The following DCUN1D4 variants were observed in gnomAD, a reference collection of about 807,000 sequenced individuals.
DCUN1D4 encodes the protein defective in cullin neddylation 1 domain containing 4.
Under a neutral mutation model 47.9 loss-of-function variants are expected in DCUN1D4, and 22 were observed. The observed-to-expected ratio is 0.46, with a 90% CI of 0.33 to 0.66. DCUN1D4 has a LOEUF of 0.66. Among genes scored for constraint, DCUN1D4 ranks in the 30% least tolerant of loss-of-function variants. The pLI is 0.02. For missense variants in DCUN1D4, 301 were observed against 340.8 expected (o/e 0.88, Z 0.92); for synonymous variants, 121 against 112.2 (o/e 1.08, Z -0.50).
chr4:51,877,210 A>G (rs1727846423), intron 4 of DCUN1D4, among the ~76,000 whole-genome samples: 1 of 152,130 alleles, frequency 6.6e-6, no homozygotes, highest in East Asian at 1.9e-4. Context: ...TAATCAAGAA[A>G]CCACCCAAGC....
intron 5 of DCUN1D4, among the ~76,000 whole-genome samples, chr4:51,881,712 C>T (rs1004742175): frequency 6.7e-6 from 1 of 150,334 alleles, no homozygotes. Flanking sequence ...TCAAACTTCA[C>T]TTCTAACCCA....
chr4:51,896,509 G>T (rs1415472123), intron 7 of DCUN1D4, among the ~76,000 whole-genome samples: 1 of 151,880 alleles, frequency 6.6e-6, no homozygotes, highest in Admixed American at 6.6e-5. Flanking sequence ...CAGGGACCTC[G>T]ACCTTATGTT....
chr4:51,845,089 G>A, intron 1 of DCUN1D4: 1 of 985,446 alleles, frequency 1.0e-6, no homozygotes, highest in South Asian at 4.7e-5. Context: ...TAAATGCTTG[G>A]TCTTGTACCA....
intron 8 of DCUN1D4, among the ~76,000 whole-genome samples, chr4:51,899,742 T>C (rs546772192): frequency 5.3e-5 from 8 of 152,336 alleles, no homozygotes; most frequent in Admixed American, 2.6e-4. Flanking sequence ...AAGCTAATCA[T>C]ATCTAATTCA....
At chr4:51,882,231 G>GGATA (rs1161288964) in intron 5 of DCUN1D4, among the ~76,000 whole-genome samples, 1 of 152,184 alleles carries the variant, frequency 6.6e-6, no homozygotes, top group Non-Finnish European at 1.5e-5. Context: ...CCACTGCAAA[G>GGATA]GATACCTCAG....
At chr4:51,897,897 A>G (rs1018841030) in intron 7 of DCUN1D4, among the ~76,000 whole-genome samples, 3 of 152,244 alleles carry the variant, frequency 2.0e-5, no homozygotes, top group African/African-American at 7.2e-5. Context: ...CTAAGTCCAG[A>G]AAATAAGAAG....
chr4:51,905,096 C>T, intron 8 of DCUN1D4: 2 of 419,884 alleles, frequency 4.8e-6, no homozygotes, highest in Admixed American at 2.4e-5. Context: ...TCTTTCTTCC[C>T]CTTTGAACCT....
At position 51,863,713 on chromosome 4, in the gene DCUN1D4, T is replaced by G; in HGVS notation, c.136+4T>G. On this transcript the variant is annotated splice_donor_region_variant and intron_variant, in intron 3 of 10. Coordinates refer to ENST00000334635, the MANE Select transcript of DCUN1D4 (RefSeq NM_001040402.3). ...GGCCAAGACGATCACCAAACAGGTA[T>G]CTGTAAATGCTAACACTACTTAATT... is the stretch of plus-strand genomic sequence containing the variant. The G allele has an allele frequency of 1.2e-6, 2 of 1,612,476 alleles. No homozygotes were observed. The highest frequency in any genetic ancestry group is 1.7e-6 in the Non-Finnish European group (2 of 1,179,334).
intron 8 of DCUN1D4, among the ~76,000 whole-genome samples, chr4:51,906,027 A>G (rs184963293): frequency 6.9e-4 from 105 of 152,280 alleles, no homozygotes; most frequent in Non-Finnish European, 1.4e-3. Context: ...GTGAAAGGGA[A>G]GATGGAAGGA....
Position 51,863,439 on chromosome 4 carries a change from T to G in DCUN1D4, c.28T>G (p.Phe10Val). Residue 10 changes from phenylalanine to valine, a missense_variant and splice_region_variant, in exon 2 of 11, where the codon TTT becomes GTT. By Grantham distance (50) the Phe-to-Val change is conservative. Coordinates refer to ENST00000334635, the MANE Select transcript of DCUN1D4 (RefSeq NM_001040402.3). Reference sequence around the variant, plus strand: ...CATTTTTCCTTTTTCTTTTCAAGATTTTCAGCTGAACTCTCATCTCTCAAC... The same window carrying G: ...CATTTTTCCTTTTTCTTTTCAAGATGTTCAGCTGAACTCTCATCTCTCAAC... MHSDAAAVN[F>V]QLNSHLSTLA... 6.2e-7 allele frequency: 1 copy of G among 1,609,854 alleles called. No individual in the cohort carries two copies. Among genetic ancestry groups the G allele is most frequent in the East Asian group, 2.2e-5 (1 of 44,722 alleles).
chr4:51,857,816 C>G (rs1394149580), intron 1 of DCUN1D4, among the ~76,000 whole-genome samples: 1 of 152,032 alleles, frequency 6.6e-6, no homozygotes, highest in East Asian at 1.9e-4. Context: ...CTTGAAGTGC[C>G]CTGAATGTAT....
At chr4:51,841,861 T>G (rs1721680709), upstream of DCUN1D4, among the ~76,000 whole-genome samples, 1 of 151,700 alleles carries the variant, frequency 6.6e-6, no homozygotes, top group Non-Finnish European at 1.5e-5. Context: ...ACCTGTGATT[T>G]GTGGTGTCAC....
intron 1 of DCUN1D4, among the ~76,000 whole-genome samples, chr4:51,852,193 A>G (rs545215375): frequency 8.5e-5 from 13 of 152,216 alleles, no homozygotes; most frequent in African/African-American, 2.9e-4. Flanking sequence ...TTTGCTTACA[A>G]TGAGAGTAGA....
At position 51,876,246 on chromosome 4, in the gene DCUN1D4, G is replaced by T. The variant is rs372646599; in HGVS notation, c.252-1517G>T. Among the ~76,000 whole-genome samples the T allele has an allele frequency of 2.4e-3, 370 of 152,270 alleles. 1 individual carries two copies. Among genetic ancestry groups the T allele is most frequent in the African/African-American group, 8.5e-3 (352 of 41,554 alleles). On this transcript the variant is annotated intron_variant, in intron 4 of 10. Transcript: ENST00000334635. Reference sequence around the variant, plus strand: ...GGAATACTACGCAGCCATAAAAAATGATGAGTTCATGTCCTTTGTAGGGAC... The same window carrying T: ...GGAATACTACGCAGCCATAAAAAATTATGAGTTCATGTCCTTTGTAGGGAC...
At chr4:51,913,247 C>A in intron 9 of DCUN1D4, 43 bp from the exon 10 acceptor site, 2 of 1,253,550 alleles carry the variant, frequency 1.6e-6, no homozygotes, top group South Asian at 2.7e-5. Flanking sequence ...CCCATTTGTT[C>A]ATTTTAAGTG....
At chr4:51,886,509 A>G in intron 5 of DCUN1D4, 59 bp from the exon 6 acceptor site, 2 of 1,395,492 alleles carry the variant, frequency 1.4e-6, no homozygotes, top group Non-Finnish European at 2.0e-6. Flanking sequence ...ATACTACTAC[A>G]GTGGTAATAG....
chr4:51,861,894 G>A (rs569785595), intron 1 of DCUN1D4, among the ~76,000 whole-genome samples: 3 of 151,958 alleles, frequency 2.0e-5, no homozygotes, highest in African/African-American at 7.2e-5. Flanking sequence ...TGGTGAGAGG[G>A]CTGTAGCTTC....
At position 51,914,252 on chromosome 4, in the gene DCUN1D4, A is replaced by G. The variant is rs534383099; in HGVS notation, c.*668A>G. On this transcript the variant is annotated 3_prime_UTR_variant, in exon 11 of 11. Coordinates refer to ENST00000334635, the MANE Select transcript of DCUN1D4 (RefSeq NM_001040402.3). ...TTGTTTATTTTTTAGTGTTAAAACT[A>G]TAATAGCTTGAATATAGGTACCAAT... 1.3e-5 allele frequency: 2 copies of G among 152,332 alleles called. No individual in the cohort carries two copies. The highest frequency in any genetic ancestry group is 4.8e-5 in the African/African-American group (2 of 41,578). The allele number at this position is 152,332 out of a possible 1,614,324, so 9.4% of individuals were successfully genotyped here.
intron 3 of DCUN1D4, among the ~76,000 whole-genome samples, chr4:51,872,011 A>G (rs943187521): frequency 6.6e-5 from 10 of 152,208 alleles, no homozygotes; most frequent in Middle Eastern, 3.4e-3. Flanking sequence ...CTCTACTCCA[A>G]TCCTTGGAAG....
Sources: gnomAD v4.1 joint callset for allele counts (sites outside exome capture counted in the v4.1 genomes callset) on GRCh38, gnomAD v4.1.1 for gene constraint, MANE v1.5 for transcripts, NCBI Gene and HGNC (gene_info 2026-07-23, HGNC 2026-07-21) for gene names.